Variants in EXOC4 observed in about 807,000 individuals in gnomAD.
The protein encoded by EXOC4 is SEC8-like 1.
Under a neutral mutation model 107.2 loss-of-function variants are expected in EXOC4, and 71 were observed. That is an observed-to-expected ratio of 0.66 (90% CI 0.55 to 0.81). EXOC4 has a LOEUF of 0.81. Among genes scored for constraint, EXOC4 ranks in the 30% least tolerant of loss-of-function variants. The pLI is 0.00. For synonymous variants in EXOC4, 456 were observed against 441.2 expected, an observed-to-expected ratio of 1.03 and a Z score of -0.42; for missense variants, 1,108 against 1,189.6, an observed-to-expected ratio of 0.93 and a Z score of 1.01.
rs1461509584 is a variant in EXOC4 at position 133,857,249 on chromosome 7, ATATATATATATATATATATATATACACG to A, written c.1735-38329_1735-38302del. Among the ~76,000 whole-genome samples the A allele has an allele frequency of 7.4e-4, 23 of 31,014 alleles. 4 individuals carry two copies. The highest frequency in any genetic ancestry group is 1.0e-3 in the African/African-American group (4 of 3,864). The allele number at this position is 31,014 out of a possible 152,430, so 20.3% of individuals were successfully genotyped here. The stretch of plus-strand genomic sequence containing the variant: ...GGATGATTGTCTTAGTGTCACATAT[ATATATATATATATATATATATATACACG>A]TATATATATATATATATATACACGT... On this transcript the variant is annotated intron_variant, in intron 11 of 17. Coordinates refer to ENST00000253861, the MANE Select transcript of EXOC4 (RefSeq NM_021807.4).
intron 11 of EXOC4, among the ~76,000 whole-genome samples, chr7:133,818,914 C>G (rs1014251452): frequency 6.6e-5 from 10 of 152,084 alleles, no homozygotes; most frequent in African/African-American, 2.4e-4. Context: ...ATGGAGGCCC[C>G]CTTGCCAGGT....
At chr7:133,768,928 G>A (rs1375402738) in intron 10 of EXOC4, among the ~76,000 whole-genome samples, 2 of 151,940 alleles carry the variant, frequency 1.3e-5, no homozygotes, top group Non-Finnish European at 2.9e-5. Context: ...CAGAGGCCAC[G>A]ACACTTAAAC....
chr7:133,350,349 A>G (rs1795880978), intron 5 of EXOC4, among the ~76,000 whole-genome samples: 1 of 152,208 alleles, frequency 6.6e-6, no homozygotes, highest in East Asian at 1.9e-4. Context: ...TAATTTTTGT[A>G]TATGGTGTTA....
intron 14 of EXOC4, among the ~76,000 whole-genome samples, chr7:133,960,106 T>C (rs893980190): frequency 6.6e-6 from 1 of 152,132 alleles, no homozygotes; most frequent in Admixed American, 6.6e-5. Context: ...AGGAAGCAGC[T>C]AGCCCAGAGA....
chr7:133,895,762 A>G (rs766761545), intron 12 of EXOC4, 27 bp downstream of exon 12: 1 of 1,599,904 alleles, frequency 6.3e-7, no homozygotes, highest in Non-Finnish European at 8.5e-7. Flanking sequence ...GGGCTAAGCA[A>G]AGTAACGTTT....
chr7:134,028,417 C>T (rs939004106), intron 17 of EXOC4, among the ~76,000 whole-genome samples: 2 of 152,190 alleles, frequency 1.3e-5, no homozygotes, highest in African/African-American at 4.8e-5. Flanking sequence ...GAAATTATAA[C>T]ACAATTACTA....
At chr7:133,669,174 G>C (rs1793889184) in intron 10 of EXOC4, among the ~76,000 whole-genome samples, 1 of 151,946 alleles carries the variant, frequency 6.6e-6, no homozygotes, top group Non-Finnish European at 1.5e-5. Context: ...CCTCGCTCAG[G>C]GAGGCCATGA....
chr7:133,590,917 T>G (rs535614170), intron 9 of EXOC4, among the ~76,000 whole-genome samples: 1 of 152,216 alleles, frequency 6.6e-6, no homozygotes, highest in Non-Finnish European at 1.5e-5. Flanking sequence ...AGTATAACAT[T>G]CCCTCTGGGG....
At chr7:133,777,313 GAGAGAGAGAA>G (rs1297024903) in intron 10 of EXOC4, among the ~76,000 whole-genome samples, 2 of 82,422 alleles carry the variant, frequency 2.4e-5, no homozygotes, top group African/African-American at 4.2e-5. Flanking sequence ...GAGAGAGAGA[GAGAGAGAGAA>G]TATATATATA....
chr7:133,793,451 G>C (rs2160746), intron 10 of EXOC4, among the ~76,000 whole-genome samples: 20,836 of 152,174 alleles, frequency 0.14, 1,820 homozygotes, highest in South Asian at 0.23. Flanking sequence ...CCACCATTCT[G>C]TTTGGCTCTT....
At chr7:133,504,819 C>T (rs533521670) in intron 9 of EXOC4, among the ~76,000 whole-genome samples, 11 of 152,092 alleles carry the variant, frequency 7.2e-5, no homozygotes, top group Admixed American at 5.9e-4. Flanking sequence ...CATCTGAATA[C>T]TTGCTTTAAT....
intron 10 of EXOC4, among the ~76,000 whole-genome samples, chr7:133,776,994 A>T (rs1796358123): frequency 6.6e-6 from 1 of 152,222 alleles, no homozygotes; most frequent in Non-Finnish European, 1.5e-5. Flanking sequence ...GAAAACAAAA[A>T]GGAGCAGGAG....
chr7:134,015,897 G>A (rs1033705142), intron 17 of EXOC4, among the ~76,000 whole-genome samples: 1 of 150,484 alleles, frequency 6.6e-6, no homozygotes. Context: ...AAAAAGTGAT[G>A]TGTAGGGCTT....
intron 2 of EXOC4, among the ~76,000 whole-genome samples, chr7:133,277,554 T>C (rs575050874): frequency 2.0e-4 from 31 of 152,360 alleles, no homozygotes; most frequent in Admixed American, 8.5e-4. Context: ...ACATTTGTTT[T>C]AGTAGCCACG....
intron 12 of EXOC4, among the ~76,000 whole-genome samples, chr7:133,900,488 C>T (rs1021935747): frequency 5.3e-5 from 8 of 152,110 alleles, no homozygotes; most frequent in Non-Finnish European, 7.4e-5. Context: ...TGGAGGATCG[C>T]GAATGTCAGA....
At chr7:133,464,509 G>A (rs1369761121) in intron 7 of EXOC4, among the ~76,000 whole-genome samples, 1 of 152,148 alleles carries the variant, frequency 6.6e-6, no homozygotes, top group Non-Finnish European at 1.5e-5. Flanking sequence ...AGCACAAACT[G>A]AGAAGGAAGA....
chr7:133,958,920 C>T (rs1394520367), intron 14 of EXOC4, among the ~76,000 whole-genome samples: 1 of 152,216 alleles, frequency 6.6e-6, no homozygotes, highest in Non-Finnish European at 1.5e-5. Context: ...ACTGCTGACA[C>T]TTCTGTTCTT....
At chr7:133,263,370 C>T (rs1171194325) in intron 1 of EXOC4, among the ~76,000 whole-genome samples, 3 of 140,472 alleles carry the variant, frequency 2.1e-5, no homozygotes, top group Admixed American at 7.1e-5. Context: ...TTTAAAAAAG[C>T]ATTCTTTTTT....
At chr7:133,829,890 G>A (rs1470381881) in intron 11 of EXOC4, among the ~76,000 whole-genome samples, 1 of 152,036 alleles carries the variant, frequency 6.6e-6, no homozygotes, top group Non-Finnish European at 1.5e-5. Context: ...GTCCTTTTTG[G>A]ATTGTGCATA....
Sources: gnomAD v4.1 joint callset for allele counts (sites outside exome capture counted in the v4.1 genomes callset) on GRCh38, gnomAD v4.1.1 for gene constraint, MANE v1.5 for transcripts, NCBI Gene and HGNC (gene_info 2026-07-23, HGNC 2026-07-21) for gene names.